Variants in LRRC17 observed in about 807,000 individuals in gnomAD.
The protein encoded by LRRC17 is leucine rich repeat containing 17, also known as leucine-rich repeat-containing protein 17.
LRRC17 carries 33 observed loss-of-function variants against 41.5 expected under a neutral mutation model. The observed-to-expected ratio is 0.80, with a 90% CI of 0.60 to 1.06. The LOEUF is 1.06. Among genes scored for constraint, LRRC17 ranks in the 50% least tolerant of loss-of-function variants. The pLI is 0.00. For synonymous variants in LRRC17, 192 were observed against 197.0 expected (o/e 0.97, Z 0.21); for missense variants, 491 against 519.3 (o/e 0.95, Z 0.53).
At chr7:102,917,001 T>C (rs1306942833) in intron 1 of LRRC17, among the ~76,000 whole-genome samples, 3 of 152,148 alleles carry the variant, frequency 2.0e-5, no homozygotes, top group Admixed American at 6.6e-5. Context: ...GAAAAGTATG[T>C]ATTTAAATAA....
chr7:102,921,432 C>T (rs1031888185), intron 1 of LRRC17, among the ~76,000 whole-genome samples: 1 of 152,098 alleles, frequency 6.6e-6, no homozygotes, highest in Non-Finnish European at 1.5e-5. Context: ...GTAATCCCAG[C>T]ACTTTGGGAG....
chr7:102,930,027 TG>T (rs2129472786), intron 1 of LRRC17, among the ~76,000 whole-genome samples: 1 of 151,156 alleles, frequency 6.6e-6, no homozygotes, highest in South Asian at 2.1e-4. Flanking sequence ...GGGCTAGGGG[TG>T]GTGGGGAGGG....
chr7:102,928,489 AAAC>A (rs1818545979), intron 1 of LRRC17, among the ~76,000 whole-genome samples: 1 of 152,200 alleles, frequency 6.6e-6, no homozygotes, highest in South Asian at 2.1e-4. Flanking sequence ...TCAAAGGGAA[AAAC>A]AATAGTAAAA....
intron 3 of LRRC17, among the ~76,000 whole-genome samples, chr7:102,943,276 C>T (rs896101426): frequency 5.3e-5 from 8 of 151,102 alleles, no homozygotes; most frequent in Admixed American, 2.0e-4. Context: ...GTCTTACATG[C>T]GAAATATTTT....
chr7:102,933,238 C>G (rs1819566873), intron 1 of LRRC17: 1 of 151,910 alleles, frequency 6.6e-6, no homozygotes, highest in Non-Finnish European at 1.5e-5. Context: ...TCTCTGGAGC[C>G]CACACCCAAC....
At chr7:102,920,586 A>C (rs1178229588) in intron 1 of LRRC17, among the ~76,000 whole-genome samples, 3 of 152,114 alleles carry the variant, frequency 2.0e-5, no homozygotes, top group Admixed American at 2.0e-4. Flanking sequence ...CCTGGGCTCA[A>C]GTAGTCCGCC....
At chr7:102,932,301 T>C (rs1364675667) in intron 1 of LRRC17, among the ~76,000 whole-genome samples, 1 of 152,204 alleles carries the variant, frequency 6.6e-6, no homozygotes, top group Non-Finnish European at 1.5e-5. Context: ...ATTATGAACA[T>C]TTTCAAACAT....
intron 1 of LRRC17, among the ~76,000 whole-genome samples, chr7:102,931,140 G>A (rs1428167704): frequency 6.6e-6 from 1 of 152,202 alleles, no homozygotes; most frequent in Non-Finnish European, 1.5e-5. Context: ...ACCACTTGGG[G>A]ACAAAGGGAA....
At chr7:102,918,276 T>A (rs774065869) in intron 1 of LRRC17, among the ~76,000 whole-genome samples, 4 of 152,220 alleles carry the variant, frequency 2.6e-5, no homozygotes, top group Non-Finnish European at 5.9e-5. Context: ...TCAAGTAGTA[T>A]CTATTCTGAA....
intron 1 of LRRC17, among the ~76,000 whole-genome samples, chr7:102,917,279 T>C (rs1321692788): frequency 3.3e-5 from 5 of 152,140 alleles, no homozygotes; most frequent in Non-Finnish European, 7.3e-5. Flanking sequence ...TTCCTGATAA[T>C]AAGAAATTTC....
chr7:102,939,100 A>G (rs554191033), intron 2 of LRRC17, among the ~76,000 whole-genome samples: 2 of 152,332 alleles, frequency 1.3e-5, no homozygotes, highest in Admixed American at 1.3e-4. Flanking sequence ...GGGTTCAATA[A>G]GCAAGTCCTG....
chr7:102,918,507 T>G (rs921221120), intron 1 of LRRC17, among the ~76,000 whole-genome samples: 1 of 152,222 alleles, frequency 6.6e-6, no homozygotes, highest in African/African-American at 2.4e-5. Flanking sequence ...AAAAAATAAT[T>G]TGTAATGTGA....
intron 1 of LRRC17, among the ~76,000 whole-genome samples, chr7:102,919,144 C>T (rs1026032654): frequency 1.3e-5 from 2 of 152,308 alleles, no homozygotes; most frequent in Non-Finnish European, 1.5e-5. Flanking sequence ...AGCTTAAAAT[C>T]GGCCACAGTG....
Position 102,944,618 on chromosome 7 carries a change from G to T in LRRC17, c.*11G>T. 1 of 1,570,192 alleles carries T rather than the reference G, an allele frequency of 6.4e-7. No individual in the cohort carries two copies. Among genetic ancestry groups the T allele is most frequent in the Non-Finnish European group, 8.6e-7 (1 of 1,163,610 alleles). On this transcript the variant is annotated 3_prime_UTR_variant, in exon 4 of 4. Transcript: ENST00000339431. ...ACTATAGTAGGATAAGGTAGAAATT[G>T]TTCTGATTGTAATTAGTTTTGTATT...
intron 1 of LRRC17, among the ~76,000 whole-genome samples, chr7:102,916,530 T>C (rs1456162910): frequency 6.6e-6 from 1 of 152,196 alleles, no homozygotes; most frequent in African/African-American, 2.4e-5. Flanking sequence ...TAGGCCTTTC[T>C]AGGGATTTAC....
chr7:102,926,687 G>A (rs897104388), intron 1 of LRRC17, among the ~76,000 whole-genome samples: 3 of 152,144 alleles, frequency 2.0e-5, no homozygotes, highest in African/African-American at 7.2e-5. Flanking sequence ...ACATGTCAAA[G>A]TGCCAAACAC....
At position 102,944,747 on chromosome 7, in the gene LRRC17, T is replaced by C; in HGVS notation, c.*140T>C. 2.8e-6 allele frequency: 2 copies of C among 718,700 alleles called. No individual in the cohort carries two copies. Among genetic ancestry groups the C allele is most frequent in the East Asian group, 2.7e-5 (1 of 36,628 alleles). 44.5% of individuals were successfully genotyped at this position (718,700 alleles called of 1,614,324 possible). ...GGAAGCTTTCTTTAATTATAAGTATTATTGTGACTATTATAGTAATCAAGA... is the reference window on the plus strand; with the variant it reads ...GGAAGCTTTCTTTAATTATAAGTATCATTGTGACTATTATAGTAATCAAGA... On this transcript the variant is annotated 3_prime_UTR_variant, in exon 4 of 4. Coordinates refer to ENST00000339431, the MANE Select transcript of LRRC17 (RefSeq NM_001031692.3).
At chr7:102,941,951 C>T (rs972421558) in intron 3 of LRRC17, among the ~76,000 whole-genome samples, 2 of 152,116 alleles carry the variant, frequency 1.3e-5, no homozygotes, top group East Asian at 1.9e-4. Flanking sequence ...ACATGTTTCC[C>T]GTAACTGATA....
chr7:102,929,570 A>T (rs1018963629), intron 1 of LRRC17, among the ~76,000 whole-genome samples: 2 of 149,364 alleles, frequency 1.3e-5, no homozygotes, highest in Non-Finnish European at 3.0e-5. Flanking sequence ...TGGCTGAGGC[A>T]GGAGAATCAC....
Sources: allele counts gnomAD v4.1 joint callset (sites outside exome capture counted in the v4.1 genomes callset), GRCh38; gene constraint gnomAD v4.1.1; transcripts MANE v1.5; gene names NCBI Gene and HGNC (gene_info 2026-07-23, HGNC 2026-07-21).